Variants in ITGA9 observed in about 807,000 individuals in gnomAD.
ITGA9 encodes integrin subunit alpha 9, also known as integrin alpha-9.
ITGA9 carries 56 observed loss-of-function variants against 127.8 expected under a neutral mutation model. The observed-to-expected ratio is 0.44, with a 90% confidence interval of 0.35 to 0.55. The LOEUF is 0.55. ITGA9 is among the 20% of genes least tolerant of loss of function. ITGA9 has a pLI of 0.00. For missense variants in ITGA9, 1,196 were observed against 1,347.1 expected (o/e 0.89, Z 1.76); for synonymous variants, 508 against 514.5 (o/e 0.99, Z 0.17).
intron 27 of ITGA9, among the ~76,000 whole-genome samples, chr3:37,810,966 C>T (rs1223648648): frequency 6.6e-6 from 1 of 152,218 alleles, no homozygotes; most frequent in Non-Finnish European, 1.5e-5. Flanking sequence ...TGACCCTGTG[C>T]AGCTCCTGGC....
intron 18 of ITGA9, among the ~76,000 whole-genome samples, chr3:37,696,515 C>G (rs1016168609): frequency 6.6e-6 from 1 of 152,210 alleles, no homozygotes; most frequent in African/African-American, 2.4e-5. Flanking sequence ...CATACTAGGT[C>G]AATCCATGCA....
rs994422776 is a variant in ITGA9 at position 37,527,159 on chromosome 3, G to A, written c.1373+1088G>A. On this transcript the variant is annotated intron_variant, in intron 13 of 27. Coordinates refer to ENST00000264741, the MANE Select transcript of ITGA9 (RefSeq NM_002207.3). The stretch of plus-strand genomic sequence containing the variant: ...GCAATACAGATGCTCCTTGACTTAG[G>A]ATGGGGTTATTTCCAGATAAATCCA... 2.0e-5 allele frequency among the ~76,000 whole-genome samples: 3 copies of A among 152,224 alleles called. No individual in the cohort carries two copies. In the South Asian group the frequency reaches 6.2e-4, roughly 32 times the overall value.
intron 15 of ITGA9, among the ~76,000 whole-genome samples, chr3:37,586,902 T>A (rs1699764858): frequency 6.6e-6 from 1 of 152,198 alleles, no homozygotes; most frequent in Non-Finnish European, 1.5e-5. Flanking sequence ...CCATCCCAAA[T>A]CCACACCCTT....
intron 24 of ITGA9, among the ~76,000 whole-genome samples, chr3:37,778,484 A>G (rs1696933717): frequency 1.3e-5 from 2 of 151,846 alleles, no homozygotes; most frequent in South Asian, 4.2e-4. Context: ...TGGATGTGGT[A>G]GTGGGCGCCT....
At chr3:37,759,768 G>T (rs183936652) in intron 23 of ITGA9, among the ~76,000 whole-genome samples, 1 of 151,810 alleles carries the variant, frequency 6.6e-6, no homozygotes, top group Non-Finnish European at 1.5e-5. Context: ...GCCAGGTGTC[G>T]TGGGCAGGTG....
chr3:37,590,165 G>A (rs543815269), intron 15 of ITGA9, among the ~76,000 whole-genome samples: 1 of 152,272 alleles, frequency 6.6e-6, no homozygotes, highest in Non-Finnish European at 1.5e-5. Flanking sequence ...GGCAGCCTGG[G>A]GGTGCTTGCT....
intron 5 of ITGA9, among the ~76,000 whole-genome samples, chr3:37,502,451 G>T (rs191612354): frequency 3.5e-4 from 54 of 152,218 alleles, no homozygotes; most frequent in Admixed American, 1.1e-3. Flanking sequence ...CTGACCTCAA[G>T]TGATCCACCC....
intron 15 of ITGA9, among the ~76,000 whole-genome samples, chr3:37,625,033 A>G (rs1441572709): frequency 6.6e-6 from 1 of 152,016 alleles, no homozygotes; most frequent in East Asian, 1.9e-4. Flanking sequence ...TCTCTACCCT[A>G]TTGCTGCCTA....
intron 1 of ITGA9, among the ~76,000 whole-genome samples, chr3:37,460,177 C>T (rs1350238770): frequency 6.6e-6 from 1 of 152,160 alleles, no homozygotes; most frequent in Non-Finnish European, 1.5e-5. Flanking sequence ...GGAAGGTAGC[C>T]ATGGTGGCCA....
chr3:37,742,667 A>G (rs142999285), intron 21 of ITGA9, among the ~76,000 whole-genome samples: 17 of 152,258 alleles, frequency 1.1e-4, no homozygotes, highest in African/African-American at 3.4e-4. Flanking sequence ...CACAGTTTCT[A>G]ATTTTTCGGT....
chr3:37,604,518 G>A lies in ITGA9; in HGVS notation c.1690-24669G>A, dbSNP rs557730972. Among the ~76,000 whole-genome samples, 12 of 152,348 alleles carry A rather than the reference G, an allele frequency of 7.9e-5. No homozygotes were observed. The South Asian group carries it at 1.4e-3, about 18-fold the overall frequency. ...AAGTTCCTTGTGAGATCAGACACAT[G>A]AGCTAAACATTTAGGAAAACCTTAC... On this transcript the variant is annotated intron_variant, in intron 15 of 27. Coordinates refer to ENST00000264741, the MANE Select transcript of ITGA9 (RefSeq NM_002207.3).
rs1238331400 is a variant in ITGA9 at position 37,452,475 on chromosome 3, C to T, written c.101C>T (p.Pro34Leu). The part of the protein sequence containing the change: ...GIPAGAYNLD[P>L]QRPVHFQGPA... ...CCCGCGGGCGCCTACAACCTCGACCCGCAGCGCCCCGTGCACTTCCAGGGC... is the reference window on the plus strand; with the variant it reads ...CCCGCGGGCGCCTACAACCTCGACCTGCAGCGCCCCGTGCACTTCCAGGGC... The change falls in exon 1 of 28, where the codon CCG (proline) becomes CTG (leucine). Residue 34 changes from proline to leucine, a missense_variant. Coordinates refer to ENST00000264741, the MANE Select transcript of ITGA9 (RefSeq NM_002207.3). This position sits in a 1 kb window ranked among gnomAD's most constrained non-coding sequence, Gnocchi z 7.3. 1 of 1,507,262 alleles carries T rather than the reference C, an allele frequency of 6.6e-7. No individual in the cohort carries two copies. The highest frequency in any genetic ancestry group is 2.0e-4 in the Middle Eastern group (1 of 5,070). The allele number at this position is 1,507,262 out of a possible 1,614,324, so 93.4% of individuals were successfully genotyped here. A position where few individuals can be genotyped will look rare whatever the true frequency, so the allele number is the denominator to read the frequency against.
intron 6 of ITGA9, among the ~76,000 whole-genome samples, chr3:37,504,267 T>C (rs568886710): frequency 6.6e-6 from 1 of 152,344 alleles, no homozygotes; most frequent in East Asian, 1.9e-4. Context: ...CTGTATGTAT[T>C]ATTTCTTTTT....
chr3:37,730,083 A>G (rs558783068), intron 18 of ITGA9, among the ~76,000 whole-genome samples: 12 of 152,308 alleles, frequency 7.9e-5, no homozygotes, highest in African/African-American at 2.6e-4. Context: ...CCAGTGAGGT[A>G]TTGGGCATTA....
intron 15 of ITGA9, among the ~76,000 whole-genome samples, chr3:37,581,558 T>C (rs1699710157): frequency 6.6e-6 from 1 of 152,248 alleles, no homozygotes; most frequent in Non-Finnish European, 1.5e-5. Context: ...TTCTATTTCT[T>C]GCTTTGAAGA....
At chr3:37,702,251 C>G (rs1700954776) in intron 18 of ITGA9, among the ~76,000 whole-genome samples, 1 of 152,132 alleles carries the variant, frequency 6.6e-6, no homozygotes, top group South Asian at 2.1e-4. Context: ...TTTCTCAGCC[C>G]CAGGACGGTG....
intron 18 of ITGA9, among the ~76,000 whole-genome samples, chr3:37,712,876 T>C (rs1701093909): frequency 6.6e-6 from 1 of 152,082 alleles, no homozygotes; most frequent in South Asian, 2.1e-4. Flanking sequence ...GGTAGATGGA[T>C]GTGGGTGGCA....
rs2125537834 is a variant in ITGA9 at position 37,750,391 on chromosome 3, A to G, written c.2434-71A>G. 3.3e-6 allele frequency: 3 copies of G among 907,682 alleles called. No homozygotes were observed. In the East Asian group the frequency reaches 7.2e-5, roughly 22 times the overall value. The allele number at this position is 907,682 out of a possible 1,614,324, so 56.2% of individuals were successfully genotyped here. On this transcript the variant is annotated intron_variant, in intron 22 of 27. Transcript: ENST00000264741. ...GTGATTTCAAAGAATCTTAGAATAT[A>G]TATTGCATGACAGGAAATGGAGGTC...
chr3:37,541,824 T>C lies in ITGA9; in HGVS notation c.1529-601T>C, dbSNP rs75782025. Among the ~76,000 whole-genome samples the C allele has an allele frequency of 2.6e-3, 402 of 152,340 alleles. 3 individuals are homozygous for C. The highest frequency in any genetic ancestry group is 8.8e-3 in the African/African-American group (364 of 41,584). On this transcript the variant is annotated intron_variant, in intron 14 of 27. Coordinates refer to ENST00000264741, the MANE Select transcript of ITGA9 (RefSeq NM_002207.3). ...CAGGAGTTTATGCCTGCGTTGTTCATTGATACATCCCCTCTACCTTTAGCG... is the reference window on the plus strand; with the variant it reads ...CAGGAGTTTATGCCTGCGTTGTTCACTGATACATCCCCTCTACCTTTAGCG...
Sources: allele counts gnomAD v4.1 joint callset (sites outside exome capture counted in the v4.1 genomes callset), GRCh38; gene constraint gnomAD v4.1.1; non-coding constraint Gnocchi (gnomAD v3.1); transcripts MANE v1.5; gene names NCBI Gene and HGNC (gene_info 2026-07-23, HGNC 2026-07-21).